LRRN1: variants seen among roughly 807,000 people sequenced by gnomAD.
LRRN1 encodes leucine-rich repeat neuronal protein 1.
In LRRN1, 14 loss-of-function variants were observed where a neutral mutation model predicts 45.8. The ratio of observed to expected loss-of-function variants is 0.31; its 90% CI spans 0.20 to 0.48. The LOEUF (loss-of-function observed/expected upper bound fraction) is 0.48. Ranked by LOEUF, LRRN1 falls within the 20% of genes least tolerant of loss-of-function variation. The pLI, the probability that LRRN1 is intolerant of heterozygous loss-of-function variation, is 0.99. For synonymous variants in LRRN1, 359 were observed against 330.1 expected (o/e 1.09, Z -0.95); for missense variants, 789 against 874.2 (o/e 0.90, Z 1.23).
At chr3:3,829,643 G>C (rs1262362145) in intron 1 of LRRN1, among the ~76,000 whole-genome samples, 1 of 152,192 alleles carries the variant, frequency 6.6e-6, no homozygotes, top group African/African-American at 2.4e-5. Context: ...AGCTGCTTCA[G>C]GATGATGGGG....
chr3:3,846,321 C>T lies in LRRN1; in HGVS notation c.1680C>T (p.Thr560=), dbSNP rs775556891. 4.3e-6 allele frequency: 7 copies of T among 1,613,794 alleles called. No individual in the cohort carries two copies. Among genetic ancestry groups the T allele is most frequent in the African/African-American group, 1.3e-5 (1 of 74,904 alleles). The change falls in exon 2 of 2, where the codon ACC becomes ACT. Residue 560 remains threonine, a synonymous_variant. Transcript: ENST00000319331. This position sits in a 1 kb window ranked among gnomAD's most constrained non-coding sequence, Gnocchi z 5.7. ...CAAACTTAAAATGGTCGTCTGCCAC[C>T]ATGAAGATTGATAACCCTCACATAA... ...MTSNLKWSSA[T]MKIDNPHITY... is the part of the protein sequence containing the mutation.
rs1693821425 is a variant in LRRN1, at chr3:3,848,306, A to G, written c.*1514A>G. 6.6e-6 allele frequency among the ~76,000 whole-genome samples: 1 copy of G among 152,200 alleles called. No homozygotes were observed. The highest frequency in any genetic ancestry group is 1.5e-5 in the Non-Finnish European group (1 of 68,042). On this transcript the variant is annotated 3_prime_UTR_variant, in exon 2 of 2. Transcript: ENST00000319331. ...TTCAAGATTATAGAGGAAACATGTA[A>G]CATTTAGAGCAGATGGAACTAGGTT... is the stretch of plus-strand genomic sequence containing the variant.
rs1693729245 is a variant in LRRN1, at chr3:3,844,929, C to T, written c.288C>T (p.Asn96=). Residue 96 remains asparagine, a synonymous_variant, in exon 2 of 2, where the codon AAC becomes AAT. Coordinates refer to ENST00000319331, the MANE Select transcript of LRRN1 (RefSeq NM_020873.7). ...KTVDELQQLF[N]LTELDFSQNN... is the part of the protein sequence containing the mutation. The stretch of plus-strand genomic sequence containing the variant: ...TGGATGAGCTGCAGCAGCTTTTCAA[C>T]TTGACTGAACTAGATTTCTCCCAAA... 6.2e-7 allele frequency: 1 copy of T among 1,614,132 alleles called. No individual in the cohort carries two copies. The highest frequency in any genetic ancestry group is 2.2e-5 in the East Asian group (1 of 44,850).
At chr3:3,835,880 G>T (rs968739347) in intron 1 of LRRN1, among the ~76,000 whole-genome samples, 4 of 151,830 alleles carry the variant, frequency 2.6e-5, no homozygotes, top group African/African-American at 4.8e-5. Flanking sequence ...AAAAAAAGAA[G>T]CATCAAATGT....
chr3:3,809,168 A>G (rs1331562566), intron 1 of LRRN1, among the ~76,000 whole-genome samples: 2 of 151,882 alleles, frequency 1.3e-5, no homozygotes, highest in Non-Finnish European at 2.9e-5. Flanking sequence ...TTTAAGATGG[A>G]GCCTTGTTTC....
At chr3:3,818,683 T>C (rs545561571) in intron 1 of LRRN1, among the ~76,000 whole-genome samples, 29 of 152,156 alleles carry the variant, frequency 1.9e-4, no homozygotes, top group Middle Eastern at 3.4e-3. Context: ...GGGAGGAAAA[T>C]GATTTTGGCA....
At chr3:3,835,637 C>T (rs1049590021) in intron 1 of LRRN1, among the ~76,000 whole-genome samples, 4 of 141,696 alleles carry the variant, frequency 2.8e-5, no homozygotes, top group African/African-American at 1.1e-4. Context: ...TAGCTTGTTA[C>T]TGTGAGTATA....
At chr3:3,813,401 C>G (rs1406979276) in intron 1 of LRRN1, among the ~76,000 whole-genome samples, 3 of 152,124 alleles carry the variant, frequency 2.0e-5, no homozygotes, top group African/African-American at 7.2e-5. Flanking sequence ...TTTGTATTGA[C>G]TTATAAGTAA....
Position 3,835,581 on chromosome 3 carries a change from C to A in LRRN1, c.-278-8783C>A, listed in dbSNP as rs932511236. On this transcript the variant is annotated intron_variant, in intron 1 of 1. Transcript: ENST00000319331. Reference sequence around the variant, plus strand: ...ATTCTTTCTCCAACCCCAGAGCTGCCTGATTTTTTTTTTTTTTTTTTTGCA... The same window carrying A: ...ATTCTTTCTCCAACCCCAGAGCTGCATGATTTTTTTTTTTTTTTTTTTGCA... Among the ~76,000 whole-genome samples, 3 of 132,750 alleles carry A rather than the reference C, an allele frequency of 2.3e-5. 1 individual carries two copies. Among genetic ancestry groups the A allele is most frequent in the Middle Eastern group, 7.5e-3 (2 of 266 alleles). The allele number at this position is 132,750 out of a possible 152,430, so 87.1% of individuals were successfully genotyped here. A position where few individuals can be genotyped will look rare whatever the true frequency, so the allele number is the denominator to read the frequency against.
intron 1 of LRRN1, among the ~76,000 whole-genome samples, chr3:3,837,886 C>T (rs1693557797): frequency 6.6e-6 from 1 of 152,036 alleles, no homozygotes; most frequent in Non-Finnish European, 1.5e-5. Flanking sequence ...TCCCTCCCCT[C>T]ACCCCACCAC....
At chr3:3,818,290 G>A (rs1447966788) in intron 1 of LRRN1, among the ~76,000 whole-genome samples, 4 of 150,840 alleles carry the variant, frequency 2.7e-5, no homozygotes, top group African/African-American at 9.9e-5. Flanking sequence ...CATATTACAG[G>A]GAGAGAATTA....
At position 3,848,975 on chromosome 3, in the gene LRRN1, A is replaced by G. The variant is rs1371536894; in HGVS notation, c.*2183A>G. On this transcript the variant is annotated 3_prime_UTR_variant, in exon 2 of 2. Coordinates refer to ENST00000319331, the MANE Select transcript of LRRN1 (RefSeq NM_020873.7). ...ATTGCAAAGTATGTATGGGAAACAC[A>G]GAGAATTGGAGCTGCGTTGAATGCA... 6.6e-6 allele frequency among the ~76,000 whole-genome samples: 1 copy of G among 152,226 alleles called. No homozygotes were observed. The highest frequency in any genetic ancestry group is 1.5e-5 in the Non-Finnish European group (1 of 68,038).
At position 3,820,655 on chromosome 3, in the gene LRRN1, C is replaced by T. The variant is rs1271980234; in HGVS notation, c.-279+20736C>T. 2.0e-5 allele frequency among the ~76,000 whole-genome samples: 3 copies of T among 152,220 alleles called. No individual in the cohort carries two copies. In the East Asian group the frequency reaches 5.8e-4, roughly 29 times the overall value. On this transcript the variant is annotated intron_variant, in intron 1 of 1. Transcript: ENST00000319331. ...TACATGAACTTTACGAGTCCATACA[C>T]CTGTTTCAGACAGGCTTTGTTCTCG... is the stretch of plus-strand genomic sequence containing the variant.
chr3:3,827,014 CT>C (rs10717213), intron 1 of LRRN1, among the ~76,000 whole-genome samples: 2,133 of 152,238 alleles, frequency 0.014, 50 homozygotes, highest in African/African-American at 0.049. Flanking sequence ...CTATGCCTTA[CT>C]TTCATCTTCA....
At chr3:3,805,368 TAA>T (rs963104000) in intron 1 of LRRN1, among the ~76,000 whole-genome samples, 12 of 152,360 alleles carry the variant, frequency 7.9e-5, no homozygotes, top group African/African-American at 2.9e-4. Flanking sequence ...ACAATAGTGA[TAA>T]GTCTTAGTTT....
intron 1 of LRRN1, among the ~76,000 whole-genome samples, chr3:3,813,541 C>T (rs528088793): frequency 6.6e-6 from 1 of 152,098 alleles, no homozygotes; most frequent in Non-Finnish European, 1.5e-5. Context: ...CCCTTGCACC[C>T]TTTTATTACT....
Position 3,846,803 on chromosome 3 carries a change from A to AT in LRRN1, c.*15dup, listed in dbSNP as rs1693789900. ...TATTACATGTGGTAACTCAGAGGAT[A>AT]TTTTGCTTCTGGTAGTAAGGAGCAC... is the stretch of plus-strand genomic sequence containing the variant. On this transcript the variant is annotated 3_prime_UTR_variant, in exon 2 of 2. Coordinates refer to ENST00000319331, the MANE Select transcript of LRRN1 (RefSeq NM_020873.7). The surrounding 1 kb of genome is among the most constrained non-coding windows in gnomAD (Gnocchi z 5.7). The AT allele has an allele frequency of 2.5e-6, 4 of 1,576,392 alleles. No individual in the cohort carries two copies. In the East Asian group the frequency reaches 9.0e-5, roughly 35 times the overall value.
chr3:3,817,474 G>C (rs111945391), intron 1 of LRRN1, among the ~76,000 whole-genome samples: 6 of 152,114 alleles, frequency 3.9e-5, no homozygotes, highest in Admixed American at 1.3e-4. Context: ...TTGACTAGCG[G>C]GAACTTCTAT....
At chr3:3,834,525 G>GAGATATATATATAT (rs750534210) in intron 1 of LRRN1, among the ~76,000 whole-genome samples, 391 of 27,326 alleles carry the variant, frequency 0.014, 33 homozygotes, top group African/African-American at 0.032. Flanking sequence ...GACAGAACAG[G>GAGATATATATATAT]ATATATATAT....
Sources: gnomAD v4.1 joint callset for allele counts (sites outside exome capture counted in the v4.1 genomes callset) on GRCh38, gnomAD v4.1.1 for gene constraint, Gnocchi (gnomAD v3.1) non-coding constraint, MANE v1.5 for transcripts, NCBI Gene and HGNC (gene_info 2026-07-23, HGNC 2026-07-21) for gene names.